Variants in DUSP3 observed in about 807,000 individuals in gnomAD.
DUSP3 encodes the protein dual specificity phosphatase 3, also known as dual specificity protein phosphatase 3.
In DUSP3, 7 loss-of-function variants were observed where a neutral mutation model predicts 15.5. The observed-to-expected ratio is 0.45, with a 90% CI of 0.26 to 0.85. DUSP3 has a LOEUF of 0.85. DUSP3 is among the 40% of genes least tolerant of loss of function. DUSP3 has a pLI of 0.18. For synonymous variants in DUSP3, 86 were observed against 104.2 expected, an observed-to-expected ratio of 0.83 and a Z score of 1.07; for missense variants, 209 against 251.7, an observed-to-expected ratio of 0.83 and a Z score of 1.15.
intron 1 of DUSP3, chr17:43,777,693 G>GA: frequency 2.7e-6 from 1 of 376,496 alleles, no homozygotes; most frequent in Middle Eastern, 3.7e-4. Context: ...AGAGTATCGT[G>GA]AAAATCCAAC....
chr17:43,770,886 G>A (rs1452461590), intron 2 of DUSP3, among the ~76,000 whole-genome samples: 1 of 151,738 alleles, frequency 6.6e-6, no homozygotes, highest in Admixed American at 6.5e-5. Context: ...AGCCTCCTGA[G>A]TAGCTGGGAC....
At position 43,776,715 on chromosome 17, in the gene DUSP3, C is replaced by A. The variant is rs112624820; in HGVS notation, c.126-1777G>T. Among the ~76,000 whole-genome samples, 1,385 of 152,346 alleles carry A rather than the reference C, an allele frequency of 9.1e-3. 18 individuals are homozygous for A. The highest frequency in any genetic ancestry group is 0.032 in the African/African-American group (1,343 of 41,580). On this transcript the variant is annotated intron_variant, in intron 1 of 2. Coordinates refer to ENST00000226004, the MANE Select transcript of DUSP3 (RefSeq NM_004090.4). ...CCACTCTGGCTACACCAGACGTGTA[C>A]AACCTTGGTTTCCACTTGGGAAGTG...
In DUSP3 at chr17:43,769,805, A is replaced by C; in HGVS notation, c.362T>G (p.Leu121Arg). 2 of 1,614,112 alleles carry C rather than the reference A, an allele frequency of 1.2e-6. No individual in the cohort carries two copies. Among genetic ancestry groups the C allele is most frequent in the Non-Finnish European group, 8.5e-7 (1 of 1,180,024 alleles). ...GCTATAACCTTCCCGGCAGTGGACGAGCACCCGGCCTGTAAGAAACAGGGG... is the reference window on the plus strand; with the variant it reads ...GCTATAACCTTCCCGGCAGTGGACGCGCACCCGGCCTGTAAGAAACAGGGG... Reference protein sequence around the residue: ...QALAQKNGRVLVHCREGYSRS... With the variant: ...QALAQKNGRVRVHCREGYSRS... The change falls in exon 3 of 3, where the codon CTC becomes CGC. Residue 121 changes from leucine (L) to arginine (R), a missense_variant. Physicochemically the swap from Leu to Arg is moderately radical, Grantham distance 102. Transcript: ENST00000226004.
rs773832639 is a variant in DUSP3 at position 43,767,957 on chromosome 17, C to CT, written c.*1651dup. ...ACTCTGAAAAAGGCACATTCCCTAC[C>CT]TTGGCATATTAACACTGCCTGAATT... On this transcript the variant is annotated 3_prime_UTR_variant, in exon 3 of 3. Coordinates refer to ENST00000226004, the MANE Select transcript of DUSP3 (RefSeq NM_004090.4). The CT allele has an allele frequency of 2.4e-4, 36 of 152,300 alleles. No homozygotes were observed. The highest frequency in any genetic ancestry group is 4.4e-4 in the Non-Finnish European group (30 of 68,036). The allele number at this position is 152,300 out of a possible 1,614,324, so 9.4% of individuals were successfully genotyped here. A position where few individuals can be genotyped will look rare whatever the true frequency, so the allele number is the denominator to read the frequency against.
At chr17:43,772,063 G>A (rs1338440357) in intron 2 of DUSP3, among the ~76,000 whole-genome samples, 3 of 151,054 alleles carry the variant, frequency 2.0e-5, no homozygotes, top group African/African-American at 4.9e-5. Context: ...TTTTGGATGC[G>A]TTACAATCTC....
In DUSP3 at chr17:43,769,740, G is replaced by C; in HGVS notation, c.427C>G (p.Gln143Glu). Reference sequence around the variant, plus strand: ...AGGGCAGACTTGACGTCCATCTTCTGCCGCATCATGAGGTAGGCGATAACT... The same window carrying C: ...AGGGCAGACTTGACGTCCATCTTCTCCCGCATCATGAGGTAGGCGATAACT... Reference protein sequence around the residue: ...TLVIAYLMMRQKMDVKSALSI... With the variant: ...TLVIAYLMMREKMDVKSALSI... The change falls in exon 3 of 3, where the codon CAG becomes GAG. Residue 143 changes from glutamine to glutamate, a missense_variant. Physicochemically the swap from Gln to Glu is conservative, Grantham distance 29 (BLOSUM62 2). Coordinates refer to ENST00000226004, the MANE Select transcript of DUSP3 (RefSeq NM_004090.4). 1 of 1,614,074 alleles carries C rather than the reference G, an allele frequency of 6.2e-7. No homozygotes were observed. Among genetic ancestry groups the C allele is most frequent in the South Asian group, 1.1e-5 (1 of 91,082 alleles).
chr17:43,773,161 C>T (rs1974339932), intron 2 of DUSP3, among the ~76,000 whole-genome samples: 1 of 152,316 alleles, frequency 6.6e-6, no homozygotes, highest in Middle Eastern at 3.4e-3. Context: ...TCTCTCTGAG[C>T]CCTGAGCGTT....
intron 1 of DUSP3, 47 bp downstream of exon 1, chr17:43,778,753 G>C (rs1039001594): frequency 2.5e-5 from 37 of 1,475,094 alleles, no homozygotes; most frequent in Admixed American, 1.2e-4. Flanking sequence ...GGGTGGGCGG[G>C]GCGTCCCGAG....
intron 1 of DUSP3, among the ~76,000 whole-genome samples, chr17:43,776,855 C>G (rs1418635370): frequency 6.6e-6 from 1 of 152,218 alleles, no homozygotes; most frequent in African/African-American, 2.4e-5. Context: ...ATTCCTGAAG[C>G]CTTTGGCTGA....
chr17:43,768,036 G>A lies in DUSP3; in HGVS notation c.*1573C>T, dbSNP rs1033400082. 2.0e-5 allele frequency: 3 copies of A among 152,128 alleles called. No individual in the cohort carries two copies. The highest frequency in any genetic ancestry group is 2.9e-5 in the Non-Finnish European group (2 of 68,028). 9.4% of individuals were successfully genotyped at this position (152,128 alleles called of 1,614,324 possible). On this transcript the variant is annotated 3_prime_UTR_variant, in exon 3 of 3. Transcript: ENST00000226004. ...AACAAAAGTCCCTGATATTTCTTTC[G>A]TTTTAGGTAAGACTCCTTCACAAGG...
Position 43,766,129 on chromosome 17 carries a change from T to C in DUSP3, c.*3480A>G, listed in dbSNP as rs1434603921. The stretch of plus-strand genomic sequence containing the variant: ...GAAGGACAAAAAAACAATACCTTTG[T>C]AATGTAAGACATTTATTTTGGCTAA... On this transcript the variant is annotated 3_prime_UTR_variant, in exon 3 of 3. Coordinates refer to ENST00000226004, the MANE Select transcript of DUSP3 (RefSeq NM_004090.4). 4 of 152,692 alleles carry C rather than the reference T, an allele frequency of 2.6e-5. No individual in the cohort carries two copies. Among genetic ancestry groups the C allele is most frequent in the African/African-American group, 9.6e-5 (4 of 41,470 alleles). The allele number at this position is 152,692 out of a possible 1,614,324, so 9.5% of individuals were successfully genotyped here. A position where few individuals can be genotyped will look rare whatever the true frequency, so the allele number is the denominator to read the frequency against.
Position 43,769,519 on chromosome 17 carries a change from G to A in DUSP3, c.*90C>T. The A allele has an allele frequency of 2.1e-6, 3 of 1,438,444 alleles. No homozygotes were observed. Among genetic ancestry groups the A allele is most frequent in the Non-Finnish European group, 2.9e-6 (3 of 1,038,586 alleles). 89.1% of individuals were successfully genotyped at this position (1,438,444 alleles called of 1,614,324 possible). On this transcript the variant is annotated 3_prime_UTR_variant, in exon 3 of 3. Transcript: ENST00000226004. Reference sequence around the variant, plus strand: ...AGTGCCTTGTGATGCTGGGAGCAGGGTACAGTGTGTTTCCTAAACATGGCA... The same window carrying A: ...AGTGCCTTGTGATGCTGGGAGCAGGATACAGTGTGTTTCCTAAACATGGCA...
Position 43,769,496 on chromosome 17 carries a change from T to C in DUSP3, c.*113A>G. The C allele has an allele frequency of 2.4e-6, 3 of 1,234,462 alleles. No homozygotes were observed. The highest frequency in any genetic ancestry group is 3.4e-6 in the Non-Finnish European group (3 of 878,474). 76.5% of individuals were successfully genotyped at this position (1,234,462 alleles called of 1,614,324 possible). A position where few individuals can be genotyped will look rare whatever the true frequency, so the allele number is the denominator to read the frequency against. ...GTGTTGGGACACACTTGTAGACAAGTGCCTTGTGATGCTGGGAGCAGGGTA... is the reference window on the plus strand; with the variant it reads ...GTGTTGGGACACACTTGTAGACAAGCGCCTTGTGATGCTGGGAGCAGGGTA... On this transcript the variant is annotated 3_prime_UTR_variant, in exon 3 of 3. Transcript: ENST00000226004.
At chr17:43,774,617 G>T in intron 2 of DUSP3, 95 bp downstream of exon 2, 1 of 1,321,214 alleles carries the variant, frequency 7.6e-7, no homozygotes, top group Admixed American at 1.9e-5. Context: ...GGAAACAAGG[G>T]AGTTTCTAAG....
rs113973331 is a variant in DUSP3 at position 43,777,472 on chromosome 17, G to A, written c.125+1328C>T. On this transcript the variant is annotated intron_variant, in intron 1 of 2. Coordinates refer to ENST00000226004, the MANE Select transcript of DUSP3 (RefSeq NM_004090.4). The stretch of plus-strand genomic sequence containing the variant: ...TAGTTCCATGATGACCCCCATTTCC[G>A]TGGCAGTCCTTGGCAGGCTAAACAG... 599 of 455,738 alleles carry A rather than the reference G, an allele frequency of 1.3e-3. 4 individuals carry two copies. The highest frequency in any genetic ancestry group is 0.011 in the African/African-American group (548 of 50,160). 28.2% of individuals were successfully genotyped at this position (455,738 alleles called of 1,614,324 possible).
intron 2 of DUSP3, among the ~76,000 whole-genome samples, chr17:43,770,204 C>T (rs1396974103): frequency 2.6e-5 from 4 of 152,164 alleles, no homozygotes; most frequent in African/African-American, 7.2e-5. Context: ...ACATCATGGC[C>T]CACAGTTAGA....
chr17:43,773,960 G>T (rs143550412), intron 2 of DUSP3: 1 of 179,800 alleles, frequency 5.6e-6, no homozygotes, highest in South Asian at 8.3e-5. Context: ...TTAGCCAGGC[G>T]TGGGGGCGCA....
intron 2 of DUSP3, among the ~76,000 whole-genome samples, chr17:43,772,609 T>C (rs1974333307): frequency 6.6e-6 from 1 of 152,204 alleles, no homozygotes; most frequent in Non-Finnish European, 1.5e-5. Context: ...TTCTGTTGAC[T>C]CACTTCGCCA....
rs762110577 is a variant in DUSP3, at chr17:43,769,626, C to T, written c.541G>A (p.Gly181Arg). 6.2e-7 allele frequency: 1 copy of T among 1,611,902 alleles called. No homozygotes were observed. The highest frequency in any genetic ancestry group is 1.1e-5 in the South Asian group (1 of 90,978). ...GGGGTGCCCTAGGGTTTCAACTTCCCCTCCTTGGCTAGTCTGTCATTGAGC... is the reference window on the plus strand; with the variant it reads ...GGGGTGCCCTAGGGTTTCAACTTCCTCTCCTTGGCTAGTCTGTCATTGAGC... ...CQLNDRLAKE[G>R]KLKP Residue 181 changes from glycine (G) to arginine (R), a missense_variant, in exon 3 of 3, where the codon GGG (glycine) becomes AGG (arginine). By Grantham distance (125) the Gly-to-Arg change is moderately radical. Coordinates refer to ENST00000226004, the MANE Select transcript of DUSP3 (RefSeq NM_004090.4).
Sources: gnomAD v4.1 joint callset for allele counts (sites outside exome capture counted in the v4.1 genomes callset) on GRCh38, gnomAD v4.1.1 for gene constraint, MANE v1.5 for transcripts, NCBI Gene and HGNC (gene_info 2026-07-23, HGNC 2026-07-21) for gene names.